ZNF385D: variants seen among roughly 807,000 people sequenced by gnomAD.
The protein encoded by ZNF385D is zinc finger protein 659.
ZNF385D carries 15 observed loss-of-function variants against 35.8 expected under a neutral mutation model. The observed-to-expected ratio is 0.42, with a 90% CI of 0.28 to 0.64. ZNF385D has a LOEUF of 0.64. Ranked by LOEUF, ZNF385D falls within the 30% of genes least tolerant of loss-of-function variation. The probability of loss-of-function intolerance (pLI) is 0.23; values close to 1 mark genes in which losing one functional copy is unlikely to be tolerated. For missense variants in ZNF385D, 474 were observed against 494.6 expected (o/e 0.96, Z 0.39); for synonymous variants, 212 against 186.8 (o/e 1.13, Z -1.10).
intron 2 of ZNF385D, among the ~76,000 whole-genome samples, chr3:22,248,741 A>C (rs912383079): frequency 2.0e-5 from 3 of 152,140 alleles, no homozygotes; most frequent in African/African-American, 7.2e-5. Flanking sequence ...CCTCCCATGA[A>C]TGGGAGTCGC....
intron 1 of ZNF385D, among the ~76,000 whole-genome samples, chr3:21,702,220 G>A (rs1335811762): frequency 6.6e-6 from 1 of 152,148 alleles, no homozygotes; most frequent in Non-Finnish European, 1.5e-5. Context: ...AATCTAGCCG[G>A]ATTCCCAAAC....
intron 2 of ZNF385D, among the ~76,000 whole-genome samples, chr3:22,294,840 A>G (rs1200652832): frequency 6.6e-6 from 1 of 152,190 alleles, no homozygotes; most frequent in Non-Finnish European, 1.5e-5. Flanking sequence ...ACTAAATTGT[A>G]AAGCCTTAAT....
intron 1 of ZNF385D, among the ~76,000 whole-genome samples, chr3:21,715,641 T>C (rs1027740886): frequency 5.3e-5 from 8 of 152,148 alleles, no homozygotes; most frequent in African/African-American, 1.7e-4. Context: ...CTGGATTGAA[T>C]GGTAGTTCTA....
rs554302050 is a variant in ZNF385D at position 21,947,185 on chromosome 3, T to C, written c.325+221632A>G. On this transcript the variant is annotated intron_variant, in intron 3 of 5. Coordinates refer to the ZNF385D transcript ENST00000494108. ...TATAAGGAACACTGAATATTTTACT[T>C]ACAACTCCACACACAGCATCAAACT... Among the ~76,000 whole-genome samples the C allele has an allele frequency of 5.6e-4, 85 of 152,310 alleles. 1 individual carries two copies. Among genetic ancestry groups the C allele is most frequent in the Admixed American group, 4.6e-3 (71 of 15,296 alleles).
intron 3 of ZNF385D, among the ~76,000 whole-genome samples, chr3:21,809,097 C>T (rs1467921171): frequency 6.6e-6 from 1 of 151,992 alleles, no homozygotes; most frequent in Non-Finnish European, 1.5e-5. Context: ...AAAATGTCAA[C>T]AGGATTTGAG....
intron 3 of ZNF385D, among the ~76,000 whole-genome samples, chr3:21,951,723 C>G (rs1425466350): frequency 1.3e-5 from 2 of 151,670 alleles, no homozygotes; most frequent in Middle Eastern, 6.8e-3. Context: ...CCTACTTTTA[C>G]TATACATACT....
intron 1 of ZNF385D, among the ~76,000 whole-genome samples, chr3:21,708,996 G>A (rs1443427468): frequency 6.6e-6 from 1 of 152,098 alleles, no homozygotes; most frequent in African/African-American, 2.4e-5. Flanking sequence ...CATGGTAGAA[G>A]AAGCCACAGT....
chr3:21,489,690 T>C (rs1705278490), intron 4 of ZNF385D, among the ~76,000 whole-genome samples: 1 of 152,134 alleles, frequency 6.6e-6, no homozygotes, highest in African/African-American at 2.4e-5. Context: ...TTTTTCCAGC[T>C]AGAGGCATTC....
At chr3:22,281,053 T>C (rs897010737) in intron 2 of ZNF385D, among the ~76,000 whole-genome samples, 2 of 152,050 alleles carry the variant, frequency 1.3e-5, no homozygotes, top group African/African-American at 2.4e-5. Flanking sequence ...CACGGTTGTA[T>C]AGTAGGGCTA....
chr3:21,792,460 GC>G (rs2071969573), intron 3 of ZNF385D, among the ~76,000 whole-genome samples: 1 of 152,170 alleles, frequency 6.6e-6, no homozygotes, highest in South Asian at 2.1e-4. Context: ...GTCTATGGTG[GC>G]TTTCAGGCTA....
chr3:22,034,084 A>G (rs1192244688), intron 3 of ZNF385D, among the ~76,000 whole-genome samples: 2 of 152,194 alleles, frequency 1.3e-5, no homozygotes, highest in African/African-American at 4.8e-5. Flanking sequence ...ATAGTACATT[A>G]TATTAACACC....
intron 2 of ZNF385D, among the ~76,000 whole-genome samples, chr3:21,590,445 A>T (rs1223557145): frequency 1.3e-5 from 2 of 152,196 alleles, no homozygotes; most frequent in Non-Finnish European, 2.9e-5. Context: ...TATAATTTAC[A>T]TATATACTTT....
intron 2 of ZNF385D, among the ~76,000 whole-genome samples, chr3:22,225,842 T>G (rs1290921130): frequency 1.3e-5 from 2 of 152,214 alleles, no homozygotes; most frequent in Admixed American, 1.3e-4. Flanking sequence ...AAATGTGATC[T>G]TGTGAATATT....
intron 2 of ZNF385D, among the ~76,000 whole-genome samples, chr3:22,298,877 C>A (rs1702750064): frequency 6.6e-6 from 1 of 151,708 alleles, no homozygotes; most frequent in Non-Finnish European, 1.5e-5. Flanking sequence ...TATTTTCTCA[C>A]CAAATTCATA....
chr3:22,232,216 C>T (rs1397846944), intron 2 of ZNF385D, among the ~76,000 whole-genome samples: 4 of 152,068 alleles, frequency 2.6e-5, no homozygotes, highest in Admixed American at 2.6e-4. Flanking sequence ...ATCATTATCC[C>T]CCTACCTTTC....
intron 2 of ZNF385D, among the ~76,000 whole-genome samples, chr3:21,589,868 C>T (rs1373277864): frequency 6.6e-6 from 1 of 151,806 alleles, no homozygotes; most frequent in East Asian, 1.9e-4. Flanking sequence ...AGATGTAGAA[C>T]AAAAAGAACT....
At chr3:21,666,256 A>G (rs1264566693) in intron 1 of ZNF385D, among the ~76,000 whole-genome samples, 1 of 152,188 alleles carries the variant, frequency 6.6e-6, no homozygotes, top group African/African-American at 2.4e-5. Flanking sequence ...ATCCAACCCT[A>G]TGGAGCCACG....
chr3:22,076,251 C>T (rs561158352), intron 3 of ZNF385D, among the ~76,000 whole-genome samples: 3 of 152,020 alleles, frequency 2.0e-5, no homozygotes, highest in African/African-American at 7.2e-5. Context: ...AAGATACATT[C>T]TTTATCCTCC....
At chr3:22,185,461 A>C (rs1695566869) in intron 2 of ZNF385D, among the ~76,000 whole-genome samples, 1 of 152,104 alleles carries the variant, frequency 6.6e-6, no homozygotes, top group Non-Finnish European at 1.5e-5. Flanking sequence ...TGATCTACCC[A>C]TTCAATGTTC....
Sources: gnomAD v4.1 joint callset for allele counts (sites outside exome capture counted in the v4.1 genomes callset) on GRCh38, gnomAD v4.1.1 for gene constraint, MANE v1.5 for transcripts, NCBI Gene and HGNC (gene_info 2026-07-23, HGNC 2026-07-21) for gene names.